ESRRG: variants seen among roughly 807,000 people sequenced by gnomAD.
ESRRG encodes the protein estrogen related receptor gamma.
ESRRG carries 13 observed loss-of-function variants against 44.0 expected under a neutral mutation model. That is an observed-to-expected ratio of 0.30 (90% confidence interval 0.19 to 0.47). ESRRG has a LOEUF of 0.47. Among genes scored for constraint, ESRRG ranks in the 20% least tolerant of loss-of-function variants. The pLI is 1.00. For synonymous variants in ESRRG, 215 were observed against 214.6 expected (o/e 1.00, Z -0.02); for missense variants, 395 against 580.6 (o/e 0.68, Z 3.29).
intron 1 of ESRRG, among the ~76,000 whole-genome samples, chr1:216,712,002 G>T (rs1472894672): frequency 1.3e-5 from 2 of 152,050 alleles, no homozygotes; most frequent in African/African-American, 4.8e-5. Flanking sequence ...ATTCAAAAAA[G>T]TCTGATGTTT....
At chr1:217,110,707 G>A (rs1272041426) in intron 1 of ESRRG, among the ~76,000 whole-genome samples, 2 of 152,098 alleles carry the variant, frequency 1.3e-5, no homozygotes, top group Non-Finnish European at 2.9e-5. Flanking sequence ...ACTATCATAG[G>A]ATAGCACCAA....
intron 1 of ESRRG, among the ~76,000 whole-genome samples, chr1:216,698,384 TG>T (rs1396718951): frequency 6.6e-6 from 1 of 151,468 alleles, no homozygotes; most frequent in African/African-American, 2.4e-5. Context: ...CCGGGCGTGG[TG>T]GGGGGCGCCT....
At chr1:217,093,152 C>T (rs181658877), upstream of ESRRG, among the ~76,000 whole-genome samples, 6 of 152,244 alleles carry the variant, frequency 3.9e-5, no homozygotes, top group Admixed American at 6.5e-5. Flanking sequence ...CAAATAAGAA[C>T]CCGTAGGCAG....
intron 2 of ESRRG, among the ~76,000 whole-genome samples, chr1:216,920,874 G>A (rs1437582517): frequency 6.6e-6 from 1 of 152,150 alleles, no homozygotes; most frequent in East Asian, 1.9e-4. Context: ...GCATCTTAGT[G>A]TCTAAAATTA....
At chr1:216,629,923 C>T (rs564473726) in intron 3 of ESRRG, among the ~76,000 whole-genome samples, 1 of 152,196 alleles carries the variant, frequency 6.6e-6, no homozygotes, top group East Asian at 1.9e-4. Context: ...ATAATGTTCC[C>T]AAGTTAATTC....
chr1:216,615,139 G>A (rs981980028), intron 3 of ESRRG, among the ~76,000 whole-genome samples: 1 of 152,158 alleles, frequency 6.6e-6, no homozygotes, highest in African/African-American at 2.4e-5. Flanking sequence ...TGGGGGTGAT[G>A]AGCCTGTCAC....
chr1:217,092,094 C>G (rs968204124), upstream of ESRRG, among the ~76,000 whole-genome samples: 1 of 152,198 alleles, frequency 6.6e-6, no homozygotes, highest in Non-Finnish European at 1.5e-5. Context: ...GTAGAGGCAG[C>G]GTACCCAAGA....
chr1:217,065,574 A>G (rs913773799), intron 1 of ESRRG, among the ~76,000 whole-genome samples: 5 of 152,208 alleles, frequency 3.3e-5, no homozygotes, highest in Non-Finnish European at 7.3e-5. Context: ...AGAACAGTCA[A>G]CTAAAAGGTG....
chr1:216,901,247 A>C (rs2059036549), intron 2 of ESRRG, among the ~76,000 whole-genome samples: 1 of 152,160 alleles, frequency 6.6e-6, no homozygotes, highest in Admixed American at 6.5e-5. Context: ...GTGGTCCCCC[A>C]AGTAAAGAAT....
chr1:217,016,369 T>A (rs1230539847), intron 1 of ESRRG, among the ~76,000 whole-genome samples: 1 of 152,156 alleles, frequency 6.6e-6, no homozygotes, highest in Non-Finnish European at 1.5e-5. Context: ...CGATATGTGA[T>A]CTTGGGCAAG....
intron 2 of ESRRG, among the ~76,000 whole-genome samples, chr1:216,853,790 T>C (rs1159568191): frequency 6.6e-6 from 1 of 152,246 alleles, no homozygotes; most frequent in African/African-American, 2.4e-5. Context: ...TTTTATTTCA[T>C]CTTTCCTGCA....
chr1:216,815,614 C>G (rs1433586195), intron 2 of ESRRG, among the ~76,000 whole-genome samples: 1 of 152,154 alleles, frequency 6.6e-6, no homozygotes, highest in African/African-American at 2.4e-5. Context: ...CACCTGGTAG[C>G]CCCCACATAC....
rs889921022 is a variant in ESRRG, at chr1:216,592,337, T to C, written c.590-24239A>G. ...CACTCTCTTTTCTTTTATTCTCTCC[T>C]TTTTTCCTTATTTTTCCTTTTCTCC... On this transcript the variant is annotated intron_variant, in intron 3 of 6. Coordinates refer to ENST00000408911, the MANE Select transcript of ESRRG (RefSeq NM_001438.4). Among the ~76,000 whole-genome samples the C allele has an allele frequency of 6.6e-5, 10 of 152,168 alleles. 1 individual carries two copies. Among genetic ancestry groups the C allele is most frequent in the Non-Finnish European group, 1.5e-4 (10 of 68,012 alleles).
intron 1 of ESRRG, among the ~76,000 whole-genome samples, chr1:216,696,622 C>G (rs531019351): frequency 6.6e-6 from 1 of 152,018 alleles, no homozygotes; most frequent in Non-Finnish European, 1.5e-5. Flanking sequence ...ATAAAACATA[C>G]TAAGATTATT....
intron 2 of ESRRG, among the ~76,000 whole-genome samples, chr1:216,780,164 A>G (rs1332464713): frequency 6.6e-6 from 1 of 152,074 alleles, no homozygotes; most frequent in Non-Finnish European, 1.5e-5. Flanking sequence ...AAACCTTAAT[A>G]CAACTTGACA....
intron 2 of ESRRG, among the ~76,000 whole-genome samples, chr1:216,844,628 C>T (rs1350719133): frequency 2.6e-5 from 4 of 152,168 alleles, no homozygotes; most frequent in Non-Finnish European, 4.4e-5. Context: ...ACCCTCACTC[C>T]TTTCAGATTT....
chr1:216,971,046 C>T (rs1275639024), intron 1 of ESRRG, among the ~76,000 whole-genome samples: 1 of 152,154 alleles, frequency 6.6e-6, no homozygotes, highest in African/African-American at 2.4e-5. Flanking sequence ...GGTGACAGGA[C>T]ATTCTCTTGG....
chr1:216,941,148 T>C (rs1472674298), intron 1 of ESRRG, among the ~76,000 whole-genome samples: 2 of 152,108 alleles, frequency 1.3e-5, no homozygotes. Flanking sequence ...ATTGTGAAGA[T>C]AAGAGCCTGT....
chr1:216,583,113 A>G (rs1436023022), intron 3 of ESRRG, among the ~76,000 whole-genome samples: 3 of 152,224 alleles, frequency 2.0e-5, no homozygotes, highest in Non-Finnish European at 2.9e-5. Flanking sequence ...AAGACTATGC[A>G]GGCATATTAT....
Sources: gnomAD v4.1 joint callset for allele counts (sites outside exome capture counted in the v4.1 genomes callset) on GRCh38, gnomAD v4.1.1 for gene constraint, MANE v1.5 for transcripts, NCBI Gene and HGNC (gene_info 2026-07-23, HGNC 2026-07-21) for gene names.